Variants in MORF4L1 observed in about 807,000 individuals in gnomAD.
The protein encoded by MORF4L1 is mortality factor 4-like protein 1.
In MORF4L1, 4 loss-of-function variants were observed where a neutral mutation model predicts 52.9. The ratio of observed to expected loss-of-function variants is 0.08; its 90% CI spans 0.04 to 0.17. The LOEUF (loss-of-function observed/expected upper bound fraction) is 0.17, where lower values mean the gene tolerates loss of function less well. MORF4L1 is among the 10% of genes least tolerant of loss of function. The pLI is 1.00. For missense variants in MORF4L1, 214 were observed against 390.4 expected (o/e 0.55, Z 3.81); for synonymous variants, 123 against 134.8 (o/e 0.91, Z 0.61).
chr15:78,890,287 A>C (rs568593765), intron 5 of MORF4L1, among the ~76,000 whole-genome samples: 1 of 148,604 alleles, frequency 6.7e-6, no homozygotes, highest in Non-Finnish European at 1.5e-5. Flanking sequence ...TAGAGATGAT[A>C]ATCAAGATGA....
chr15:78,876,974 C>T (rs996230663), intron 1 of MORF4L1, among the ~76,000 whole-genome samples: 1 of 152,000 alleles, frequency 6.6e-6, no homozygotes, highest in Non-Finnish European at 1.5e-5. Context: ...GAGTCTTGCT[C>T]TCCCATCCGG....
chr15:78,876,377 C>T, intron 1 of MORF4L1: 1 of 347,488 alleles, frequency 2.9e-6, no homozygotes, highest in Non-Finnish European at 5.8e-6. Flanking sequence ...GATTGCTTTG[C>T]ACTGGACTTG....
intron 2 of MORF4L1, 109 bp from the exon 3 acceptor site, chr15:78,880,395 AGTCATTCT>A (rs2056579176): frequency 2.9e-6 from 2 of 693,348 alleles, no homozygotes; most frequent in Admixed American, 6.5e-5. Flanking sequence ...TAGTGTTCTT[AGTCATTCT>A]GTTTAGGCCA....
In MORF4L1 at chr15:78,889,493, C is replaced by A. The variant is rs146184071; in HGVS notation, c.324-1496C>A. On this transcript the variant is annotated intron_variant, in intron 5 of 11. Transcript: ENST00000426013. ...TTTGGCTTTGGGATGCTGAACTCAT[C>A]TATATTTTATAGATCTTTTACTTTA... Among the ~76,000 whole-genome samples, 584 of 152,246 alleles carry A rather than the reference C, an allele frequency of 3.8e-3. 2 individuals carry two copies. Among genetic ancestry groups the A allele is most frequent in the South Asian group, 9.3e-3 (45 of 4,818 alleles).
At chr15:78,873,174 G>T in intron 1 of MORF4L1, 117 bp downstream of exon 1, 1 of 1,531,284 alleles carries the variant, frequency 6.5e-7, no homozygotes, top group South Asian at 1.2e-5. Context: ...GAAGGCGGCG[G>T]TCAGTGCTTT....
intron 4 of MORF4L1, among the ~76,000 whole-genome samples, chr15:78,886,888 G>C (rs1274427489): frequency 6.6e-6 from 1 of 150,938 alleles, no homozygotes; most frequent in African/African-American, 2.4e-5. Flanking sequence ...CCGGGAGGCA[G>C]AGCTTTCAGT....
chr15:78,878,792 C>A (rs910616216), intron 2 of MORF4L1, among the ~76,000 whole-genome samples: 4 of 151,944 alleles, frequency 2.6e-5, no homozygotes, highest in Admixed American at 2.6e-4. Flanking sequence ...AGAATGCATT[C>A]CAAAGTAAAA....
intron 10 of MORF4L1, 105 bp from the exon 11 acceptor site, chr15:78,894,715 A>T: frequency 1.1e-6 from 1 of 906,388 alleles, no homozygotes; most frequent in Non-Finnish European, 1.8e-6. Context: ...GCCTAAAATC[A>T]TGTATTTTAA....
At position 78,890,969 on chromosome 15, in the gene MORF4L1, T is replaced by C; in HGVS notation, c.324-20T>C. 1 of 1,435,854 alleles carries C rather than the reference T, an allele frequency of 7.0e-7. No individual in the cohort carries two copies. The highest frequency in any genetic ancestry group is 9.3e-7 in the Non-Finnish European group (1 of 1,073,790). 88.9% of individuals were successfully genotyped at this position (1,435,854 alleles called of 1,614,324 possible). On this transcript the variant is annotated intron_variant, in intron 5 of 11. Coordinates refer to ENST00000426013, the MANE Select transcript of MORF4L1 (RefSeq NM_006791.4). ...GTTTTACTGGAAATAATTATTTTTC[T>C]TTTTTTTCTCTCCTTTTAGGAAAAC...
chr15:78,874,206 T>C (rs1302646919), intron 1 of MORF4L1, among the ~76,000 whole-genome samples: 2 of 152,378 alleles, frequency 1.3e-5, no homozygotes, highest in East Asian at 3.9e-4. Flanking sequence ...TATGGAAATT[T>C]ATGCTAGTTA....
chr15:78,896,353 C>G (rs2056889948), intron 11 of MORF4L1, among the ~76,000 whole-genome samples: 2 of 126,814 alleles, frequency 1.6e-5, no homozygotes, highest in Non-Finnish European at 3.1e-5. Flanking sequence ...TCACGCTTGT[C>G]CATGCTGGAG....
At chr15:78,880,781 TG>T (rs1567303427) in intron 3 of MORF4L1, among the ~76,000 whole-genome samples, 1 of 152,114 alleles carries the variant, frequency 6.6e-6, no homozygotes. Flanking sequence ...ACTTGGATCT[TG>T]GGAATATTTG....
rs575976400 is a variant in MORF4L1, at chr15:78,890,155, GGTTGCAGTGAGCCGAGATCACCCAA to G, written c.324-833_324-809del. Among the ~76,000 whole-genome samples the G allele has an allele frequency of 8.5e-5, 13 of 152,076 alleles. No homozygotes were observed. In the South Asian group the frequency reaches 2.7e-3, roughly 32 times the overall value. On this transcript the variant is annotated intron_variant, in intron 5 of 11. Transcript: ENST00000426013. The stretch of plus-strand genomic sequence containing the variant: ...GAATCGCTTGAACCCGGGAGGAGGA[GGTTGCAGTGAGCCGAGATCACCCAA>G]CAGACAGAGCAAGACTCCATCTCAA...
At chr15:78,893,933 TA>T in intron 9 of MORF4L1, 124 bp from the exon 10 acceptor site, 2 of 938,710 alleles carry the variant, frequency 2.1e-6, no homozygotes, top group Non-Finnish European at 3.2e-6. Context: ...ATATGCCCTT[TA>T]AAAAAATCTC....
chr15:78,885,028 C>T, intron 3 of MORF4L1: 1 of 1,614,116 alleles, frequency 6.2e-7, no homozygotes, highest in Non-Finnish European at 8.5e-7. Context: ...TATTGTAGCC[C>T]TTTTTCCTGT....
chr15:78,895,145 T>G (rs1351550577), intron 11 of MORF4L1, among the ~76,000 whole-genome samples: 1 of 152,220 alleles, frequency 6.6e-6, no homozygotes, highest in African/African-American at 2.4e-5. Context: ...ATAAGACAGC[T>G]GACAGTTTGG....
At chr15:78,891,231 A>G (rs2056796436) in intron 6 of MORF4L1, 2 of 686,112 alleles carry the variant, frequency 2.9e-6, no homozygotes, top group Non-Finnish European at 2.5e-6. Context: ...TTTAGTCTTA[A>G]TGTCTCCCAC....
At chr15:78,891,214 C>T (rs2056796117) in intron 6 of MORF4L1, 200 bp downstream of exon 6, 3 of 720,926 alleles carry the variant, frequency 4.2e-6, no homozygotes, top group South Asian at 1.7e-5. Context: ...CATTTATTTT[C>T]ATCTGCTTTA....
intron 3 of MORF4L1, among the ~76,000 whole-genome samples, chr15:78,885,710 A>G (rs899645612): frequency 1.3e-5 from 2 of 152,208 alleles, no homozygotes; most frequent in Non-Finnish European, 2.9e-5. Context: ...CATTTCATAG[A>G]GAATGAAATG....
Sources: allele counts gnomAD v4.1 joint callset (sites outside exome capture counted in the v4.1 genomes callset), GRCh38; gene constraint gnomAD v4.1.1; transcripts MANE v1.5; gene names NCBI Gene and HGNC (gene_info 2026-07-23, HGNC 2026-07-21).